ULK4: variants seen among roughly 807,000 people sequenced by gnomAD.
ULK4 encodes inactive serine/threonine-protein kinase ULK4.
ULK4 carries 133 observed loss-of-function variants against 160.6 expected under a neutral mutation model. The ratio of observed to expected loss-of-function variants is 0.83; its 90% CI spans 0.72 to 0.96. The LOEUF (loss-of-function observed/expected upper bound fraction) is 0.96. Ranked by LOEUF, ULK4 falls within the 40% of genes least tolerant of loss-of-function variation. The pLI, the probability that ULK4 is intolerant of heterozygous loss-of-function variation, is 0.00. For synonymous variants in ULK4, 534 were observed against 539.8 expected (o/e 0.99, Z 0.15); for missense variants, 1,580 against 1,499.5 (o/e 1.05, Z -0.89).
At chr3:41,782,206 T>C (rs77643757) in intron 21 of ULK4, among the ~76,000 whole-genome samples, 1,877 of 151,996 alleles carry the variant, frequency 0.012, 37 homozygotes, top group African/African-American at 0.041. Context: ...AAGGACTATC[T>C]GGCATGCCTA....
chr3:41,412,195 T>TA (rs1394722173), intron 34 of ULK4, among the ~76,000 whole-genome samples: 4 of 152,098 alleles, frequency 2.6e-5, no homozygotes, highest in African/African-American at 9.7e-5. Context: ...TATAATAGCA[T>TA]AAAAAAATTT....
At chr3:41,602,973 T>A (rs756952891) in intron 31 of ULK4, among the ~76,000 whole-genome samples, 1 of 152,100 alleles carries the variant, frequency 6.6e-6, no homozygotes, top group African/African-American at 2.4e-5. Flanking sequence ...GCAGGCTTAA[T>A]ATGTAAAACA....
intron 34 of ULK4, among the ~76,000 whole-genome samples, chr3:41,446,202 C>T (rs1305805372): frequency 1.3e-5 from 2 of 152,050 alleles, no homozygotes; most frequent in Admixed American, 6.5e-5. Flanking sequence ...GTTAGAATGG[C>T]AATCATTAAA....
intron 2 of ULK4, among the ~76,000 whole-genome samples, chr3:41,944,022 A>G (rs557323767): frequency 6.6e-6 from 1 of 152,320 alleles, no homozygotes; most frequent in East Asian, 1.9e-4. Context: ...CCTCCTGCCC[A>G]GAAAGGGGAC....
intron 21 of ULK4, among the ~76,000 whole-genome samples, chr3:41,768,427 C>A (rs953511471): frequency 6.6e-5 from 10 of 152,132 alleles, no homozygotes; most frequent in African/African-American, 2.2e-4. Context: ...TGCTACATTA[C>A]CTCCAAGGCT....
At chr3:41,504,363 A>G (rs1274892083) in intron 32 of ULK4, among the ~76,000 whole-genome samples, 2 of 152,206 alleles carry the variant, frequency 1.3e-5, no homozygotes, top group Non-Finnish European at 2.9e-5. Flanking sequence ...AGACCCTAGA[A>G]TAGCAGCTGA....
intron 16 of ULK4, among the ~76,000 whole-genome samples, chr3:41,884,510 T>C (rs1697647153): frequency 1.3e-5 from 2 of 152,368 alleles, no homozygotes; most frequent in African/African-American, 2.4e-5. Context: ...TAAATTACTA[T>C]TAAATGACAT....
intron 34 of ULK4, among the ~76,000 whole-genome samples, chr3:41,428,341 C>T (rs910156581): frequency 7.2e-5 from 11 of 152,116 alleles, no homozygotes; most frequent in South Asian, 2.1e-4. Context: ...GGCTATACTG[C>T]GCAAAGTAAT....
At chr3:41,772,596 A>C (rs1016518023) in intron 21 of ULK4, among the ~76,000 whole-genome samples, 1 of 152,236 alleles carries the variant, frequency 6.6e-6, no homozygotes, top group South Asian at 2.1e-4. Flanking sequence ...TCAACCAAAA[A>C]AAGTCCAGGA....
chr3:41,812,097 CA>C (rs2040835631), intron 19 of ULK4, among the ~76,000 whole-genome samples: 1 of 151,982 alleles, frequency 6.6e-6, no homozygotes, highest in African/African-American at 2.4e-5. Flanking sequence ...CAAGCCTGGG[CA>C]AAATGGTAAA....
intron 35 of ULK4, among the ~76,000 whole-genome samples, chr3:41,370,698 A>G (rs1470436369): frequency 6.6e-6 from 1 of 152,318 alleles, no homozygotes; most frequent in East Asian, 1.9e-4. Flanking sequence ...CCTACACCAC[A>G]AAAGCCCTGG....
chr3:41,318,433 G>C (rs916609971), intron 35 of ULK4, among the ~76,000 whole-genome samples: 2 of 152,092 alleles, frequency 1.3e-5, no homozygotes, highest in East Asian at 3.8e-4. Flanking sequence ...AGGCACAGTT[G>C]TATCTAGTTT....
intron 30 of ULK4, among the ~76,000 whole-genome samples, chr3:41,658,717 G>A (rs928229125): frequency 1.1e-5 from 1 of 94,624 alleles, no homozygotes; most frequent in Non-Finnish European, 1.9e-5. Context: ...TACTGTGTAT[G>A]TGAAAAACAG....
intron 32 of ULK4, among the ~76,000 whole-genome samples, chr3:41,500,728 C>T (rs571389198): frequency 1.3e-5 from 2 of 152,148 alleles, no homozygotes; most frequent in Non-Finnish European, 2.9e-5. Flanking sequence ...TTGGAGATTA[C>T]AGTTGAACCC....
At chr3:41,856,562 CACATATATATATGTGT>C (rs1559611082) in intron 17 of ULK4, among the ~76,000 whole-genome samples, 1 of 32,540 alleles carries the variant, frequency 3.1e-5, no homozygotes, top group African/African-American at 1.5e-4. Flanking sequence ...TATATATATA[CACATATATATATGTGT>C]ATATATATAC....
intron 14 of ULK4, 46 bp downstream of exon 14, chr3:41,898,386 T>C: frequency 9.0e-7 from 1 of 1,106,164 alleles, no homozygotes; most frequent in Non-Finnish European, 1.3e-6. Context: ...TATTTGTATC[T>C]GTATACAAAG....
At chr3:41,859,018 G>A (rs2042436906) in intron 17 of ULK4, among the ~76,000 whole-genome samples, 1 of 152,078 alleles carries the variant, frequency 6.6e-6, no homozygotes. Flanking sequence ...GAGAAGGCAG[G>A]AGCCATCTTC....
intron 21 of ULK4, among the ~76,000 whole-genome samples, chr3:41,788,551 G>A (rs778671280): frequency 2.0e-5 from 3 of 152,076 alleles, no homozygotes; most frequent in African/African-American, 4.8e-5. Context: ...TTAGCCAGGC[G>A]TGGTGGCGGG....
chr3:41,715,715 A>C (rs1432937585), intron 23 of ULK4, 147 bp from the exon 24 acceptor site: 85 of 1,028,514 alleles, frequency 8.3e-5, no homozygotes, highest in Non-Finnish European at 1.1e-4. Context: ...AAGTACTGAA[A>C]TTACAACAGA....
Sources: gnomAD v4.1 joint callset for allele counts (sites outside exome capture counted in the v4.1 genomes callset) on GRCh38, gnomAD v4.1.1 for gene constraint, MANE v1.5 for transcripts, NCBI Gene and HGNC (gene_info 2026-07-23, HGNC 2026-07-21) for gene names.